Variants in DPF1 observed in about 807,000 individuals in gnomAD.
DPF1 encodes the protein zinc finger protein neuro-d4.
A neutral mutation model predicts 58.7 loss-of-function variants in DPF1; 14 were observed. That is an observed-to-expected ratio of 0.24 (90% CI 0.16 to 0.37). The LOEUF is 0.37. DPF1 is among the 10% of genes least tolerant of loss of function. The pLI, the probability that DPF1 is intolerant of heterozygous loss-of-function variation, is 1.00. For synonymous variants in DPF1, 216 were observed against 216.0 expected (o/e 1.00, Z 0.00); for missense variants, 345 against 529.9 (o/e 0.65, Z 3.43).
chr19:38,224,330 CCGGGACCCCGCGGGGA>C (rs1245693091), upstream of DPF1: 2 of 1,239,278 alleles, frequency 1.6e-6, no homozygotes, highest in Admixed American at 8.5e-5. The surrounding 1 kb of genome is among the most constrained non-coding windows in gnomAD (Gnocchi z 4.5). Context: ...CAGGGGGCCC[CCGGGACCCCGCGGGGA>C]CGGGACGGCG....
chr19:38,213,947 C>A (rs1424107403), intron 9 of DPF1, 191 bp from the exon 10 acceptor site: 78 of 575,688 alleles, frequency 1.4e-4, no homozygotes, highest in Non-Finnish European at 1.9e-5. Flanking sequence ...CCACCACAGT[C>A]TCCTACCACA....
At position 38,213,549 on chromosome 19, in the gene DPF1, G is replaced by C. The variant is rs1049970658; in HGVS notation, c.1011+95C>G. 7.6e-6 allele frequency: 8 copies of C among 1,052,448 alleles called. No individual in the cohort carries two copies. The African/African-American group carries it at 1.3e-4, about 17-fold the overall frequency. The allele number at this position is 1,052,448 out of a possible 1,614,324, so 65.2% of individuals were successfully genotyped here. On this transcript the variant is annotated intron_variant, in intron 10 of 11. Transcript: ENST00000355526. ...AACACAGGGGACTGGTGTTCACCAG[G>C]GAAGGCTCAGGCACAGGCTTTAGGC...
intron 9 of DPF1, chr19:38,214,003 C>A: frequency 3.8e-6 from 2 of 520,640 alleles, no homozygotes; most frequent in South Asian, 5.0e-5. Flanking sequence ...CCATGGCAAC[C>A]GCATTCCATT....
chr19:38,212,533 AAC>A (rs555918921), intron 10 of DPF1, 172 bp from the exon 11 acceptor site: 274 of 497,122 alleles, frequency 5.5e-4, no homozygotes, highest in African/African-American at 5.0e-3. Flanking sequence ...TGCTTAGCCA[AAC>A]ACATATCCCT....
At chr19:38,227,658 C>T (rs1413724852), upstream of DPF1, among the ~76,000 whole-genome samples, 1 of 152,198 alleles carries the variant, frequency 6.6e-6, no homozygotes, top group Middle Eastern at 3.2e-3. Flanking sequence ...AACTGCTTTA[C>T]AAAGATGGCC....
intron 10 of DPF1, among the ~76,000 whole-genome samples, chr19:38,212,812 C>T (rs1973555604): frequency 1.5e-5 from 2 of 131,492 alleles, no homozygotes; most frequent in South Asian, 2.6e-4. Context: ...ACGGGAGTCT[C>T]ACTATGTTGC....
chr19:38,229,188 A>G (rs1481147579), upstream of DPF1, among the ~76,000 whole-genome samples: 2 of 152,000 alleles, frequency 1.3e-5, no homozygotes, highest in Non-Finnish European at 2.9e-5. This position sits in a 1 kb window ranked among gnomAD's most constrained non-coding sequence, Gnocchi z 5.3. Flanking sequence ...GTCCGGACTT[A>G]GGTGTTCGAG....
chr19:38,216,419 C>A lies in DPF1; in HGVS notation c.728-16G>T. 1.9e-6 allele frequency: 3 copies of A among 1,569,770 alleles called. No homozygotes were observed. The highest frequency in any genetic ancestry group is 2.6e-6 in the Non-Finnish European group (3 of 1,158,250). On this transcript the variant is annotated splice_polypyrimidine_tract_variant and intron_variant, in intron 7 of 11. Coordinates refer to ENST00000355526, the MANE Select transcript of DPF1 (RefSeq NM_001135155.3). Reference sequence around the variant, plus strand: ...TTGTAAAACTCTGGGGTAGGGGGGACAGAGAGAGGGACTCTCACCACAGGC... The same window carrying A: ...TTGTAAAACTCTGGGGTAGGGGGGAAAGAGAGAGGGACTCTCACCACAGGC...
At position 38,219,014 on chromosome 19, in the gene DPF1, G is replaced by T; in HGVS notation, c.343C>A (p.Pro115Thr). 4.3e-6 allele frequency: 7 copies of T among 1,614,142 alleles called. No individual in the cohort carries two copies. The highest frequency in any genetic ancestry group is 5.9e-6 in the Non-Finnish European group (7 of 1,180,028). ...LKKEGGLPEG[P>T]VLEALLCAET... ...GCACACAGTAGAGCCTCGAGGACCG[G>T]CCCTTCCGGGAGGCCACCCTCCTTC... Residue 115 changes from proline (P) to threonine (T), a missense_variant, in exon 4 of 12, where the codon CCG becomes ACG. Transcript: ENST00000355526.
intron 9 of DPF1, among the ~76,000 whole-genome samples, chr19:38,214,832 T>C (rs1040606119): frequency 1.5e-4 from 5 of 33,130 alleles, no homozygotes; most frequent in African/African-American, 5.2e-4. Flanking sequence ...ATGCCCAGCC[T>C]TTTTTTTTTT....
chr19:38,226,502 C>CCACACA (rs758283337), upstream of DPF1, among the ~76,000 whole-genome samples: 2,975 of 112,326 alleles, frequency 0.026, 95 homozygotes, highest in African/African-American at 0.06. Context: ...ACGGTCACTT[C>CCACACA]TACACACACA....
intron 1 of DPF1, chr19:38,223,267 C>A (rs566392191): frequency 1.3e-5 from 2 of 153,388 alleles, no homozygotes; most frequent in Admixed American, 6.5e-5. Context: ...CACACATACA[C>A]CCCCTCATGC....
upstream of DPF1, among the ~76,000 whole-genome samples, chr19:38,225,651 C>G (rs1237843999): frequency 1.3e-5 from 2 of 151,794 alleles, no homozygotes; most frequent in South Asian, 2.1e-4. Flanking sequence ...TCCCAGCAAT[C>G]TGGGAGGCTG....
chr19:38,217,632 G>A (rs1303094094), intron 6 of DPF1, 41 bp from the exon 7 acceptor site: 18 of 1,531,012 alleles, frequency 1.2e-5, no homozygotes, highest in Middle Eastern at 3.7e-4. Context: ...CAGCCCCTCC[G>A]GGCCCCTGCC....
upstream of DPF1, among the ~76,000 whole-genome samples, chr19:38,224,494 C>T (rs2146216827): frequency 6.6e-6 from 1 of 152,268 alleles, no homozygotes; most frequent in Middle Eastern, 3.4e-3. This position sits in a 1 kb window ranked among gnomAD's most constrained non-coding sequence, Gnocchi z 4.5. Context: ...CACATTCACG[C>T]GGATACTCAC....
At chr19:38,215,048 T>C (rs979487443) in intron 9 of DPF1, among the ~76,000 whole-genome samples, 1 of 151,352 alleles carries the variant, frequency 6.6e-6, no homozygotes, top group African/African-American at 2.4e-5. Context: ...TTGGCCAGGA[T>C]GGTCTTGATC....
intron 10 of DPF1, 41 bp downstream of exon 10, chr19:38,213,603 G>A (rs372148861): frequency 4.5e-6 from 7 of 1,563,154 alleles, no homozygotes; most frequent in African/African-American, 4.1e-5. Context: ...CGTGCCAGGC[G>A]GGGCGGGCAG....
intron 3 of DPF1, chr19:38,219,341 G>A (rs1175555323): frequency 2.3e-6 from 1 of 443,700 alleles, no homozygotes; most frequent in Non-Finnish European, 4.1e-6. Flanking sequence ...ACCTACTCAG[G>A]GAAGACACAG....
upstream of DPF1, among the ~76,000 whole-genome samples, chr19:38,225,273 AAAG>A (rs1967767286): frequency 1.3e-5 from 1 of 78,972 alleles, no homozygotes; most frequent in Non-Finnish European, 2.5e-5. Context: ...AATAAGAAAG[AAAG>A]AATAATGCGG....
Sources: gnomAD v4.1 joint callset for allele counts (sites outside exome capture counted in the v4.1 genomes callset) on GRCh38, gnomAD v4.1.1 for gene constraint, Gnocchi (gnomAD v3.1) non-coding constraint, MANE v1.5 for transcripts, NCBI Gene and HGNC (gene_info 2026-07-23, HGNC 2026-07-21) for gene names.